The following CCDC66 variants were observed in gnomAD, a reference collection of about 807,000 sequenced individuals.
CCDC66 encodes the protein coiled-coil domain containing 66, also known as coiled-coil domain-containing protein 66.
CCDC66 carries 133 observed loss-of-function variants against 128.3 expected under a neutral mutation model. The ratio of observed to expected loss-of-function variants is 1.04; its 90% CI spans 0.90 to 1.20. The LOEUF is 1.20. Among genes scored for constraint, CCDC66 ranks in the 50% most tolerant of loss-of-function variants. CCDC66 has a pLI of 0.00. For synonymous variants in CCDC66, 387 were observed against 357.0 expected (o/e 1.08, Z -0.95); for missense variants, 1,126 against 1,075.5 (o/e 1.05, Z -0.66).
intron 3 of CCDC66, among the ~76,000 whole-genome samples, chr3:56,562,318 A>G (rs1175392549): frequency 6.6e-6 from 1 of 151,980 alleles, no homozygotes; most frequent in Admixed American, 6.6e-5. Flanking sequence ...CCAGAGTGCT[A>G]GGATTATAGG....
chr3:56,560,928 A>G (rs1402268273), intron 3 of CCDC66: 1 of 456,564 alleles, frequency 2.2e-6, no homozygotes, highest in South Asian at 1.5e-5. Flanking sequence ...TTATCCTTCA[A>G]CTCTAAGCCC....
In CCDC66 at chr3:56,571,211, AAG is replaced by A. The variant is rs778701709; in HGVS notation, c.847_848del (p.Glu283SerfsTer3). On this transcript the variant is annotated frameshift_variant, in exon 7 of 18. Transcript: ENST00000394672. LOFTEE classifies it high-confidence loss of function. ...CAGGTTGCTTTAAAGAAGAAAGAAA[AAG>A]AAGTTTCTGAAAAATGGAATGATCC... 1.3e-4 allele frequency: 197 copies of A among 1,532,122 alleles called. No individual in the cohort carries two copies. The highest frequency in any genetic ancestry group is 1.7e-4 in the Middle Eastern group (1 of 5,852). The allele number at this position is 1,532,122 out of a possible 1,614,324, so 94.9% of individuals were successfully genotyped here.
rs750127779 is a variant in CCDC66 at position 56,567,716 on chromosome 3, G to A, written c.814+663G>A. Among the ~76,000 whole-genome samples, 320 of 151,986 alleles carry A rather than the reference G, an allele frequency of 2.1e-3. 1 individual carries two copies. The highest frequency in any genetic ancestry group is 2.8e-3 in the Admixed American group (42 of 15,260). On this transcript the variant is annotated intron_variant, in intron 6 of 17. Coordinates refer to ENST00000394672, the MANE Select transcript of CCDC66 (RefSeq NM_001141947.3). ...TTTGTTTTGTTTTGTTTTTTGAGAT[G>A]GGGTCTCGCTGTGTTGCCCAGGCTG...
Position 56,619,394 on chromosome 3 carries a change from A to G in CCDC66, c.2502A>G (p.Thr834=), listed in dbSNP as rs1485597608. 3.7e-6 allele frequency: 6 copies of G among 1,613,078 alleles called. No individual in the cohort carries two copies. The highest frequency in any genetic ancestry group is 1.3e-5 in the African/African-American group (1 of 74,926). ...RENLISGSNQ[T]ELSSGISESS... ...ATTTGATCTCAGGAAGTAATCAAAC[A>G]GAATTATCATCTGGGATTTCTGAAT... The change falls in exon 16 of 18, where the codon ACA becomes ACG. Residue 834 remains threonine, a synonymous_variant. Coordinates refer to ENST00000394672, the MANE Select transcript of CCDC66 (RefSeq NM_001141947.3).
chr3:56,616,011 A>G lies in CCDC66; in HGVS notation c.1801A>G (p.Met601Val), dbSNP rs996865960. ...DEISGKMNTY[M>V]NSTTSKKDTG... ...AATCAGTGGTAAAATGAATACATAT[A>G]TGAATTCTACGACTTCTAAGAAGGA... The change falls in exon 13 of 18, where the codon ATG becomes GTG. Residue 601 changes from methionine (M) to valine (V), a missense_variant. By Grantham distance (21) the Met-to-Val change is conservative. Transcript: ENST00000394672. 1 of 1,553,648 alleles carries G rather than the reference A, an allele frequency of 6.4e-7. No homozygotes were observed. The highest frequency in any genetic ancestry group is 1.2e-5 in the South Asian group (1 of 86,712).
At chr3:56,561,885 C>CTT (rs758324894) in intron 3 of CCDC66, among the ~76,000 whole-genome samples, 4 of 151,276 alleles carry the variant, frequency 2.6e-5, no homozygotes, top group African/African-American at 9.7e-5. Flanking sequence ...CTACAGGTCT[C>CTT]TTTTTTTTTC....
Position 56,593,500 on chromosome 3 carries a change from C to A in CCDC66, c.1078C>A (p.His360Asn). 1 of 1,614,028 alleles carries A rather than the reference C, an allele frequency of 6.2e-7. No individual in the cohort carries two copies. The highest frequency in any genetic ancestry group is 8.5e-7 in the Non-Finnish European group (1 of 1,179,924). The change falls in exon 9 of 18, where the codon CAT (histidine) becomes AAT (asparagine). Residue 360 changes from histidine to asparagine, a missense_variant. His to Asn is a moderately conservative substitution (Grantham distance 68). Transcript: ENST00000394672. ...TATTTGTCATCATTAGGGTGAGGAA[C>A]ATGACAGATGGGCAATGCACTTTGA... ...EKIIYSKGEEHDRWAMHFDSL... is the reference protein window; with the variant it reads ...EKIIYSKGEENDRWAMHFDSL...
intron 10 of CCDC66, among the ~76,000 whole-genome samples, chr3:56,610,295 T>C (rs925891522): frequency 6.6e-6 from 1 of 152,154 alleles, no homozygotes; most frequent in African/African-American, 2.4e-5. Context: ...GAGCATTTCA[T>C]ATTTCTAAAA....
intron 6 of CCDC66, chr3:56,569,322 C>A: frequency 3.0e-6 from 1 of 337,020 alleles, no homozygotes; most frequent in Admixed American, 2.7e-5. Flanking sequence ...GTTTTGCAGA[C>A]TGTACAAGCA....
chr3:56,583,348 G>C (rs2068762977), intron 7 of CCDC66, among the ~76,000 whole-genome samples: 1 of 152,006 alleles, frequency 6.6e-6, no homozygotes, highest in African/African-American at 2.4e-5. Context: ...TTCTCCCAGA[G>C]GGGGATTTGG....
chr3:56,564,842 C>G (rs1010483331), intron 4 of CCDC66, among the ~76,000 whole-genome samples: 1 of 152,184 alleles, frequency 6.6e-6, no homozygotes, highest in Admixed American at 6.5e-5. Context: ...CCATTAACTC[C>G]TGAATATTCC....
chr3:56,598,815 C>A (rs1188229834), intron 10 of CCDC66, among the ~76,000 whole-genome samples: 22 of 151,948 alleles, frequency 1.4e-4, no homozygotes, highest in Admixed American at 1.4e-3. Context: ...ATTGAGTTTG[C>A]TAGTATTTTG....
At position 56,618,153 on chromosome 3, in the gene CCDC66, T is replaced by G. The variant is rs749668511; in HGVS notation, c.2338-19T>G. ...AGATGCTATATATTCCTTTCTGCAT[T>G]TATCTATCCATATTTTAGGAAGAAG... On this transcript the variant is annotated intron_variant, in intron 14 of 17. Coordinates refer to ENST00000394672, the MANE Select transcript of CCDC66 (RefSeq NM_001141947.3). The G allele has an allele frequency of 1.3e-6, 2 of 1,596,054 alleles. No homozygotes were observed. Among genetic ancestry groups the G allele is most frequent in the Non-Finnish European group, 1.7e-6 (2 of 1,164,064 alleles).
At chr3:56,560,200 T>C (rs540579381) in intron 3 of CCDC66, among the ~76,000 whole-genome samples, 2 of 152,208 alleles carry the variant, frequency 1.3e-5, no homozygotes, top group Non-Finnish European at 2.9e-5. Context: ...CAGAAATCTA[T>C]TGTGCTTTTT....
At chr3:56,583,666 C>G (rs2068832168) in intron 7 of CCDC66, among the ~76,000 whole-genome samples, 1 of 151,934 alleles carries the variant, frequency 6.6e-6, no homozygotes, top group Admixed American at 6.6e-5. Flanking sequence ...TTTCTTAGTA[C>G]AGAACAAAAT....
chr3:56,558,209 A>G (rs2064620867), intron 1 of CCDC66, among the ~76,000 whole-genome samples: 1 of 152,052 alleles, frequency 6.6e-6, no homozygotes, highest in South Asian at 2.1e-4. Context: ...TCTCTGAATT[A>G]TGGACTGTAT....
At chr3:56,573,594 G>A (rs1168160928) in intron 7 of CCDC66, among the ~76,000 whole-genome samples, 1 of 152,186 alleles carries the variant, frequency 6.6e-6, no homozygotes, top group Non-Finnish European at 1.5e-5. Context: ...ATGATCCAAG[G>A]GTAGAGTTTT....
chr3:56,613,837 G>A, intron 11 of CCDC66, 87 bp downstream of exon 11: 2 of 1,106,298 alleles, frequency 1.8e-6, no homozygotes. Context: ...TTGGAGTGCA[G>A]TGGTGCAATC....
chr3:56,591,030 C>A (rs1277739835), intron 7 of CCDC66, among the ~76,000 whole-genome samples: 1 of 152,190 alleles, frequency 6.6e-6, no homozygotes, highest in African/African-American at 2.4e-5. Context: ...GAATGCAGTT[C>A]TACCTACTAC....
Sources: allele counts gnomAD v4.1 joint callset (sites outside exome capture counted in the v4.1 genomes callset), GRCh38; gene constraint gnomAD v4.1.1; transcripts MANE v1.5; gene names NCBI Gene and HGNC (gene_info 2026-07-23, HGNC 2026-07-21).